Variants in CAMSAP1 observed in about 807,000 individuals in gnomAD.
CAMSAP1 encodes calmodulin-regulated spectrin-associated protein 1.
A neutral mutation model predicts 143.5 loss-of-function variants in CAMSAP1; 58 were observed. That is an observed-to-expected ratio of 0.40 (90% CI 0.33 to 0.50). CAMSAP1 has a LOEUF of 0.50. CAMSAP1 is among the 20% of genes least tolerant of loss of function. The probability of loss-of-function intolerance (pLI) is 0.45; values close to 1 mark genes in which losing one functional copy is unlikely to be tolerated. For missense variants in CAMSAP1, 1,969 were observed against 2,115.7 expected, an observed-to-expected ratio of 0.93 and a Z score of 1.36; for synonymous variants, 945 against 859.3, an observed-to-expected ratio of 1.10 and a Z score of -1.74.
chr9:135,840,231 C>T (rs1024625546), intron 7 of CAMSAP1, among the ~76,000 whole-genome samples: 1 of 152,188 alleles, frequency 6.6e-6, no homozygotes, highest in African/African-American at 2.4e-5. Context: ...CTGCACAGGG[C>T]CCCACATAAT....
At position 135,821,764 on chromosome 9, in the gene CAMSAP1, T is replaced by A. The variant is rs1314018543; in HGVS notation, c.2897A>T (p.Glu966Val). 8 of 1,613,862 alleles carry A rather than the reference T, an allele frequency of 5.0e-6. No homozygotes were observed. Among genetic ancestry groups the A allele is most frequent in the Non-Finnish European group, 6.8e-6 (8 of 1,179,864 alleles). The part of the protein sequence containing the change: ...DFLVKEEQRE[E>V]LLHEPQDVDK... ...CACATCCTGTGGCTCGTGAAGGAGC[T>A]CCTCTCTCTGCTCCTCCTTCACGAG... The change falls in exon 11 of 17, where the codon GAG (glutamate) becomes GTG (valine). Residue 966 changes from glutamate to valine, a missense_variant. Coordinates refer to ENST00000389532, the MANE Select transcript of CAMSAP1 (RefSeq NM_015447.4). The surrounding 1 kb of genome is among the most constrained non-coding windows in gnomAD (Gnocchi z 4.6).
intron 16 of CAMSAP1, among the ~76,000 whole-genome samples, chr9:135,813,845 C>T (rs1463529236): frequency 1.3e-5 from 2 of 152,214 alleles, no homozygotes; most frequent in East Asian, 3.8e-4. Context: ...CCAAGGAGAG[C>T]TCAGGGCATC....
At chr9:135,901,521 G>A (rs566719192) in intron 1 of CAMSAP1, among the ~76,000 whole-genome samples, 22 of 152,244 alleles carry the variant, frequency 1.4e-4, no homozygotes, top group Middle Eastern at 3.4e-3. Context: ...GGCTGAGGTG[G>A]GAGGATCACT....
intron 16 of CAMSAP1, among the ~76,000 whole-genome samples, chr9:135,814,244 T>A (rs1207963585): frequency 6.6e-6 from 1 of 152,232 alleles, no homozygotes; most frequent in African/African-American, 2.4e-5. Context: ...ACATCCGTTT[T>A]AAAGTGGGTC....
At chr9:135,848,634 G>C (rs1588471035) in intron 7 of CAMSAP1, among the ~76,000 whole-genome samples, 1 of 152,198 alleles carries the variant, frequency 6.6e-6, no homozygotes, top group African/African-American at 2.4e-5. Context: ...TCATTATCAG[G>C]AGAATCTTCC....
intron 7 of CAMSAP1, among the ~76,000 whole-genome samples, chr9:135,829,839 C>A (rs11103197): frequency 7.1e-6 from 1 of 141,132 alleles, no homozygotes; most frequent in Non-Finnish European, 1.5e-5. Flanking sequence ...GGCGACAGAG[C>A]GAGACTCTGT....
chr9:135,832,327 A>G (rs1198649374), intron 7 of CAMSAP1, among the ~76,000 whole-genome samples: 3 of 152,358 alleles, frequency 2.0e-5, no homozygotes. Flanking sequence ...GATCATCTCA[A>G]CAATATGCAG....
intron 3 of CAMSAP1, among the ~76,000 whole-genome samples, chr9:135,877,992 T>A (rs934371379): frequency 6.6e-6 from 1 of 152,154 alleles, no homozygotes; most frequent in Non-Finnish European, 1.5e-5. Context: ...AGCAGATTCC[T>A]CAGCCTGGAA....
In CAMSAP1 at chr9:135,815,145, G is replaced by A. The variant is rs761161956; in HGVS notation, c.4458C>T (p.Cys1486=). The A allele has an allele frequency of 3.1e-6, 5 of 1,613,798 alleles. No individual in the cohort carries two copies. In the East Asian group the frequency reaches 1.1e-4, roughly 36 times the overall value. The change falls in exon 16 of 17, where the codon TGC becomes TGT. Residue 1486 remains cysteine (C), a synonymous_variant. Coordinates refer to ENST00000389532, the MANE Select transcript of CAMSAP1 (RefSeq NM_015447.4). Reference sequence around the variant, plus strand: ...GTTCGTTCACTTTTCCAGCCAGGCAGCAATGGGATATGGCATTGTGAATAA... The same window carrying A: ...GTTCGTTCACTTTTCCAGCCAGGCAACAATGGGATATGGCATTGTGAATAA... The part of the protein sequence containing the change: ...KPIIHNAISH[C]CLAGKVNEPH...
chr9:135,854,974 T>C (rs551792822), intron 5 of CAMSAP1, among the ~76,000 whole-genome samples: 1 of 152,070 alleles, frequency 6.6e-6, no homozygotes, highest in Non-Finnish European at 1.5e-5. Flanking sequence ...TTTGTGTTCT[T>C]AAGTTCTTAT....
Position 135,821,883 on chromosome 9 carries a change from A to T in CAMSAP1, c.2778T>A (p.Ala926=). The change falls in exon 11 of 17, where the codon GCT becomes GCA. Residue 926 remains alanine (A), a synonymous_variant. Transcript: ENST00000389532. This position sits in a 1 kb window ranked among gnomAD's most constrained non-coding sequence, Gnocchi z 4.6. ...LHVVKKGKAE[A]APPLRPEHFA... ...AGTGCTCCGGCCTGAGGGGTGGGGC[A>T]GCCTCGGCCTTGCCCTTCTTCACCA... The T allele has an allele frequency of 6.2e-7, 1 of 1,613,996 alleles. No individual in the cohort carries two copies. The highest frequency in any genetic ancestry group is 1.7e-5 in the Admixed American group (1 of 60,030).
intron 3 of CAMSAP1, among the ~76,000 whole-genome samples, chr9:135,866,759 C>A (rs1024856565): frequency 1.3e-5 from 2 of 152,146 alleles, no homozygotes; most frequent in African/African-American, 2.4e-5. Context: ...CCGACCCCCA[C>A]CCCAATGCCA....
rs1835670336 is a variant in CAMSAP1 at position 135,826,319 on chromosome 9, AC to A, written c.1223+1087del. ...CTCGAGCCATTCTCCTCACTCAGTG[AC>A]CCCGCCTGTGCCCGCGGGCATGGAG... On this transcript the variant is annotated intron_variant, in intron 8 of 16. Coordinates refer to ENST00000389532, the MANE Select transcript of CAMSAP1 (RefSeq NM_015447.4). The surrounding 1 kb of genome is among the most constrained non-coding windows in gnomAD (Gnocchi z 4.4). 2 of 151,772 alleles carry A rather than the reference AC, an allele frequency of 1.3e-5. No individual in the cohort carries two copies. Among genetic ancestry groups the A allele is most frequent in the Admixed American group, 1.3e-4 (2 of 15,242 alleles). The allele number at this position is 151,772 out of a possible 1,614,324, so 9.4% of individuals were successfully genotyped here. A position where few individuals can be genotyped will look rare whatever the true frequency, so the allele number is the denominator to read the frequency against.
chr9:135,893,270 GA>G (rs569233837), intron 1 of CAMSAP1, among the ~76,000 whole-genome samples: 2,011 of 120,592 alleles, frequency 0.017, 49 homozygotes, highest in African/African-American at 0.06. Flanking sequence ...ATGAAAGAAA[GA>G]AAAGAAAAAA....
At chr9:135,838,188 C>A (rs1009568477) in intron 7 of CAMSAP1, among the ~76,000 whole-genome samples, 42 of 151,342 alleles carry the variant, frequency 2.8e-4, no homozygotes, top group Non-Finnish European at 5.5e-4. Flanking sequence ...TCTACAGACA[C>A]ACGTCATCAC....
At chr9:135,874,742 G>C (rs1021946131) in intron 3 of CAMSAP1, among the ~76,000 whole-genome samples, 5 of 151,630 alleles carry the variant, frequency 3.3e-5, no homozygotes, top group African/African-American at 9.7e-5. Flanking sequence ...TTTATACACA[G>C]ACAACATGAT....
rs1299738351 is a variant in CAMSAP1, at chr9:135,904,964, C to CAAA, written c.160+2033_160+2035dup. Among the ~76,000 whole-genome samples the CAAA allele has an allele frequency of 7.0e-3, 756 of 107,838 alleles. 10 individuals are homozygous for CAAA. Among genetic ancestry groups the CAAA allele is most frequent in the African/African-American group, 0.025 (725 of 29,356 alleles). 70.7% of individuals were successfully genotyped at this position (107,838 alleles called of 152,430 possible). On this transcript the variant is annotated intron_variant, in intron 1 of 16. Transcript: ENST00000389532. ...TGGACGATAGAGCGAGACTCCGTCT[C>CAAA]AAAAAAAAAAAAAAAAGTGGAAACC...
chr9:135,858,139 C>T (rs868360122), intron 5 of CAMSAP1, among the ~76,000 whole-genome samples: 3 of 149,972 alleles, frequency 2.0e-5, no homozygotes, highest in Non-Finnish European at 4.4e-5. Flanking sequence ...GACACCCACC[C>T]CTCCTCCACT....
At chr9:135,849,850 G>T in intron 7 of CAMSAP1, 1 of 278,420 alleles carries the variant, frequency 3.6e-6, no homozygotes. Flanking sequence ...TTAATCTGTA[G>T]TAAACATTTT....
Sources: gnomAD v4.1 joint callset for allele counts (sites outside exome capture counted in the v4.1 genomes callset) on GRCh38, gnomAD v4.1.1 for gene constraint, Gnocchi (gnomAD v3.1) non-coding constraint, MANE v1.5 for transcripts, NCBI Gene and HGNC (gene_info 2026-07-23, HGNC 2026-07-21) for gene names.